Variants in RIMS2 observed in about 807,000 individuals in gnomAD.
The protein encoded by RIMS2 is regulating synaptic membrane exocytosis 2, also known as regulating synaptic membrane exocytosis protein 2.
Under a neutral mutation model 174.4 loss-of-function variants are expected in RIMS2, and 59 were observed. That is an observed-to-expected ratio of 0.34 (90% CI 0.27 to 0.42). The LOEUF (loss-of-function observed/expected upper bound fraction) is 0.42. Among genes scored for constraint, RIMS2 ranks in the 10% least tolerant of loss-of-function variants. RIMS2 has a pLI of 1.00. For missense variants in RIMS2, 1,620 were observed against 1,666.3 expected (o/e 0.97, Z 0.48); for synonymous variants, 606 against 572.5 (o/e 1.06, Z -0.84).
chr8:103,951,810 C>T (rs981924868), intron 14 of RIMS2, among the ~76,000 whole-genome samples: 3 of 152,204 alleles, frequency 2.0e-5, no homozygotes, highest in South Asian at 2.1e-4. Context: ...TCTGGCTCAG[C>T]GGATCCCACC....
At chr8:103,520,523 G>A (rs565116588) in intron 1 of RIMS2, among the ~76,000 whole-genome samples, 4 of 152,212 alleles carry the variant, frequency 2.6e-5, no homozygotes, top group African/African-American at 9.6e-5. Flanking sequence ...AATAAACAGT[G>A]TGCTGAAAAT....
At chr8:103,828,255 C>G (rs1044071132) in intron 3 of RIMS2, among the ~76,000 whole-genome samples, 6 of 152,128 alleles carry the variant, frequency 3.9e-5, no homozygotes, top group African/African-American at 1.4e-4. Context: ...CAGTTGGTAT[C>G]AAGATTGGTG....
intron 4 of RIMS2, among the ~76,000 whole-genome samples, chr8:103,897,978 T>C (rs2099299382): frequency 6.6e-6 from 1 of 151,682 alleles, no homozygotes; most frequent in Non-Finnish European, 1.5e-5. Flanking sequence ...GTGTGGAATA[T>C]GCTGCCTTCA....
chr8:104,146,620 A>G (rs945274903), intron 19 of RIMS2, among the ~76,000 whole-genome samples: 1 of 152,202 alleles, frequency 6.6e-6, no homozygotes, highest in East Asian at 1.9e-4. Flanking sequence ...ACAAGATACA[A>G]TTTTGTGAGT....
At position 103,961,178 on chromosome 8, in the gene RIMS2, A is replaced by C. The variant is rs73699021; in HGVS notation, c.2770+45A>C. ...TTTATAGTATTAAAAAGGGAGTGCA[A>C]TTCATCATCATTTACCATAAAAGTA... is the stretch of plus-strand genomic sequence containing the variant. On this transcript the variant is annotated intron_variant, in intron 15 of 23. Coordinates refer to ENST00000504942, the Ensembl canonical transcript of RIMS2. 12,115 of 837,210 alleles carry C rather than the reference A, an allele frequency of 0.014. 868 individuals are homozygous for C. The African/African-American group carries it at 0.17, about 12-fold the overall frequency. 51.9% of individuals were successfully genotyped at this position (837,210 alleles called of 1,614,324 possible). A position where few individuals can be genotyped will look rare whatever the true frequency, so the allele number is the denominator to read the frequency against.
intron 1 of RIMS2, among the ~76,000 whole-genome samples, chr8:103,557,971 TAA>T (rs1475196641): frequency 6.6e-6 from 1 of 152,220 alleles, no homozygotes; most frequent in African/African-American, 2.4e-5. Flanking sequence ...AATTAAAATT[TAA>T]GATTGGGTTA....
At chr8:103,796,964 A>G (rs527617569) in intron 3 of RIMS2, among the ~76,000 whole-genome samples, 2 of 152,280 alleles carry the variant, frequency 1.3e-5, no homozygotes, top group East Asian at 1.9e-4. Context: ...ATAATAATAC[A>G]TGGGAGGAGG....
chr8:103,838,697 T>C (rs78339795), intron 3 of RIMS2, among the ~76,000 whole-genome samples: 1 of 152,204 alleles, frequency 6.6e-6, no homozygotes, highest in African/African-American at 2.4e-5. Flanking sequence ...CTGATTTTAT[T>C]CCATTCTACT....
chr8:104,205,698 A>G (rs1020543122), intron 19 of RIMS2, among the ~76,000 whole-genome samples: 1 of 152,136 alleles, frequency 6.6e-6, no homozygotes, highest in African/African-American at 2.4e-5. Flanking sequence ...TCTGCAGCAG[A>G]AGCAGCTCTG....
chr8:103,885,941 T>A, exon 4 of RIMS2: 1 of 1,613,104 alleles, frequency 6.2e-7, no homozygotes, highest in Non-Finnish European at 8.5e-7. Flanking sequence ...TAGACCAGAC[T>A]TGAGGCGTAC....
At chr8:103,658,319 C>T (rs941732656) in intron 1 of RIMS2, among the ~76,000 whole-genome samples, 9 of 152,158 alleles carry the variant, frequency 5.9e-5, no homozygotes, top group African/African-American at 2.2e-4. Flanking sequence ...AGATAAAGAA[C>T]GTGATAACAC....
intron 1 of RIMS2, among the ~76,000 whole-genome samples, chr8:103,679,738 T>G (rs1325058109): frequency 1.3e-5 from 2 of 151,976 alleles, no homozygotes; most frequent in African/African-American, 4.8e-5. Context: ...AATAACTTTA[T>G]GAGATAAGAA....
intron 19 of RIMS2, among the ~76,000 whole-genome samples, chr8:104,114,439 A>G (rs541639656): frequency 3.3e-5 from 5 of 152,124 alleles, no homozygotes; most frequent in South Asian, 2.1e-4. Context: ...TGTTGTTACT[A>G]TATGGAAACA....
chr8:104,038,005 C>T (rs1210038435), intron 19 of RIMS2, among the ~76,000 whole-genome samples: 1 of 151,960 alleles, frequency 6.6e-6, no homozygotes, highest in African/African-American at 2.4e-5. Context: ...GGTTTGTAGC[C>T]TAGGCACAAC....
chr8:103,888,748 C>A (rs1359873284), intron 4 of RIMS2, among the ~76,000 whole-genome samples: 2 of 151,454 alleles, frequency 1.3e-5, no homozygotes, highest in East Asian at 3.9e-4. Flanking sequence ...CTATTTGAAA[C>A]AAATTAGCAA....
chr8:103,521,434 TAC>T (rs1831637851), intron 1 of RIMS2, among the ~76,000 whole-genome samples: 2 of 152,072 alleles, frequency 1.3e-5, no homozygotes, highest in African/African-American at 4.8e-5. Flanking sequence ...ATGGTATATA[TAC>T]AGTTTTATAT....
chr8:104,030,092 G>T (rs942763109), intron 19 of RIMS2, among the ~76,000 whole-genome samples: 7 of 152,020 alleles, frequency 4.6e-5, no homozygotes, highest in African/African-American at 1.7e-4. Flanking sequence ...GTTTTACTTA[G>T]CTTGATATTA....
At chr8:103,722,663 C>T (rs1312268631) in intron 2 of RIMS2, among the ~76,000 whole-genome samples, 1 of 152,188 alleles carries the variant, frequency 6.6e-6, no homozygotes. Context: ...TAGCCTCCTG[C>T]TGTGAAGCCC....
At chr8:103,734,352 C>T (rs1212258774) in intron 2 of RIMS2, among the ~76,000 whole-genome samples, 1 of 144,300 alleles carries the variant, frequency 6.9e-6, no homozygotes, top group Non-Finnish European at 1.5e-5. Context: ...TCTTTTAGTG[C>T]AGGTTTACTA....
Sources: allele counts gnomAD v4.1 joint callset (sites outside exome capture counted in the v4.1 genomes callset), GRCh38; gene constraint gnomAD v4.1.1; transcripts MANE v1.5; gene names NCBI Gene and HGNC (gene_info 2026-07-23, HGNC 2026-07-21).